PCLO: variants seen among roughly 807,000 people sequenced by gnomAD.
PCLO encodes the protein piccolo presynaptic cytomatrix protein, also known as protein piccolo.
Under a neutral mutation model 427.5 loss-of-function variants are expected in PCLO, and 82 were observed. The observed-to-expected ratio is 0.19, with a 90% CI of 0.16 to 0.23. The LOEUF is 0.23. Among genes scored for constraint, PCLO ranks in the 10% least tolerant of loss-of-function variants. The probability of loss-of-function intolerance (pLI) is 1.00; values close to 1 mark genes in which losing one functional copy is unlikely to be tolerated. For missense variants in PCLO, 6,239 were observed against 6,115.9 expected (o/e 1.02, Z -0.67); for synonymous variants, 2,357 against 2,155.4 (o/e 1.09, Z -2.59).
intron 22 of PCLO, among the ~76,000 whole-genome samples, chr7:82,800,881 A>C (rs1165521303): frequency 6.6e-6 from 1 of 151,930 alleles, no homozygotes. Flanking sequence ...CACCGTGCCC[A>C]GCCAGGGATA....
chr7:82,768,293 T>C (rs62466886), intron 22 of PCLO, among the ~76,000 whole-genome samples: 9,628 of 151,818 alleles, frequency 0.063, 708 homozygotes, highest in African/African-American at 0.18. Context: ...CCTGGTGGCG[T>C]GAGCCTGTAA....
chr7:83,023,290 A>C (rs754981416), intron 3 of PCLO, among the ~76,000 whole-genome samples: 1 of 152,224 alleles, frequency 6.6e-6, no homozygotes, highest in Non-Finnish European at 1.5e-5. Flanking sequence ...GACTATTCTT[A>C]AAAGTCAAAC....
chr7:82,808,172 A>C (rs2129468881), intron 20 of PCLO, among the ~76,000 whole-genome samples: 1 of 152,042 alleles, frequency 6.6e-6, no homozygotes, highest in Non-Finnish European at 1.5e-5. Context: ...CATTGAATGG[A>C]AGACATTAAT....
At position 82,952,717 on chromosome 7, in the gene PCLO, C is replaced by G. The variant is rs867757008; in HGVS notation, c.8236G>C (p.Asp2746His). Residue 2746 changes from aspartate to histidine, a missense_variant, in exon 5 of 25, where the codon GAT (aspartate) becomes CAT (histidine). Transcript: ENST00000333891. Reference sequence around the variant, plus strand: ...ACATCCATTGTAGAAGCAGAAAGATCAATACATTTATCAGTTGTTTTAACT... The same window carrying G: ...ACATCCATTGTAGAAGCAGAAAGATGAATACATTTATCAGTTGTTTTAACT... ...VEVKTTDKCI[D>H]LSASTMDVKR... is the part of the protein sequence containing the mutation. 1.2e-6 allele frequency: 2 copies of G among 1,613,748 alleles called. No homozygotes were observed. Among genetic ancestry groups the G allele is most frequent in the Non-Finnish European group, 1.7e-6 (2 of 1,179,772 alleles).
Position 82,838,350 on chromosome 7 carries a change from A to G in PCLO, c.14098-8T>C, listed in dbSNP as rs1268036510. 3 of 1,427,240 alleles carry G rather than the reference A, an allele frequency of 2.1e-6. No homozygotes were observed. The highest frequency in any genetic ancestry group is 2.1e-5 in the Admixed American group (1 of 47,820). 88.4% of individuals were successfully genotyped at this position (1,427,240 alleles called of 1,614,324 possible). ...ATCATAGTTAATTTGAAGCTTTAGG[A>G]GAGAGAAAAATATTCCATAAGTTTT... On this transcript the variant is annotated splice_region_variant and splice_polypyrimidine_tract_variant and intron_variant, in intron 14 of 24. Coordinates refer to ENST00000333891, the MANE Select transcript of PCLO (RefSeq NM_033026.6).
intron 3 of PCLO, among the ~76,000 whole-genome samples, chr7:83,090,005 A>C (rs2116434019): frequency 6.6e-6 from 1 of 152,260 alleles, no homozygotes; most frequent in Non-Finnish European, 1.5e-5. Flanking sequence ...ATCTCTTACT[A>C]ATGAAGCCGT....
intron 10 of PCLO, among the ~76,000 whole-genome samples, chr7:82,851,265 T>C (rs143750131): frequency 1.9e-3 from 294 of 151,398 alleles, no homozygotes; most frequent in Non-Finnish European, 3.5e-3. Flanking sequence ...ATTGAGAGCA[T>C]TGAGAGTGCT....
intron 3 of PCLO, among the ~76,000 whole-genome samples, chr7:83,030,002 C>G (rs1322840354): frequency 6.9e-6 from 1 of 145,626 alleles, no homozygotes; most frequent in East Asian, 2.1e-4. Context: ...GGGAGATATA[C>G]CTAATGCTAG....
chr7:83,027,519 C>T (rs986182412), intron 3 of PCLO, among the ~76,000 whole-genome samples: 14 of 151,894 alleles, frequency 9.2e-5, no homozygotes, highest in Non-Finnish European at 8.8e-5. Flanking sequence ...CCAAATTCTA[C>T]CAGAGGTACA....
intron 3 of PCLO, among the ~76,000 whole-genome samples, chr7:83,051,233 A>T (rs1194462721): frequency 6.6e-6 from 1 of 152,104 alleles, no homozygotes; most frequent in Non-Finnish European, 1.5e-5. Context: ...AAAAAGAGAA[A>T]AAGATATATA....
chr7:82,836,789 T>G (rs1026756876), intron 15 of PCLO, among the ~76,000 whole-genome samples: 1 of 152,162 alleles, frequency 6.6e-6, no homozygotes, highest in Non-Finnish European at 1.5e-5. Flanking sequence ...GTGATCTGCC[T>G]GTGGTGATAT....
intron 3 of PCLO, among the ~76,000 whole-genome samples, chr7:83,017,004 T>C (rs1177350373): frequency 2.0e-5 from 3 of 152,074 alleles, no homozygotes; most frequent in African/African-American, 7.2e-5. Context: ...CTCTTTTTTC[T>C]TTGTGAATAA....
chr7:83,037,800 A>G (rs1788831607), intron 3 of PCLO, among the ~76,000 whole-genome samples: 2 of 149,846 alleles, frequency 1.3e-5, no homozygotes, highest in South Asian at 4.2e-4. Context: ...AAATTCTCCA[A>G]CTTATAATTC....
At chr7:83,066,833 C>T (rs1396151088) in intron 3 of PCLO, among the ~76,000 whole-genome samples, 1 of 152,106 alleles carries the variant, frequency 6.6e-6, no homozygotes, top group Non-Finnish European at 1.5e-5. Context: ...GAGCGCTGTT[C>T]TTCACATATG....
At position 82,953,960 on chromosome 7, in the gene PCLO, T is replaced by C. The variant is rs1291861882; in HGVS notation, c.6993A>G (p.Thr2331=). 2.5e-6 allele frequency: 4 copies of C among 1,613,828 alleles called. No individual in the cohort carries two copies. In the African/African-American group the frequency reaches 5.3e-5, roughly 22 times the overall value. ...RDKKELEAER[T]KSSLSETVFD... The stretch of plus-strand genomic sequence containing the variant: ...ACACGGTTTCGGATAAGCTACTTTT[T>C]GTTCGTTCGGCCTCCAACTCCTTTT... Residue 2331 remains threonine (T), a synonymous_variant, in exon 5 of 25, where the codon ACA becomes ACG. Coordinates refer to ENST00000333891, the MANE Select transcript of PCLO (RefSeq NM_033026.6).
intron 10 of PCLO, among the ~76,000 whole-genome samples, chr7:82,865,215 T>C (rs1260824696): frequency 1.3e-5 from 2 of 151,876 alleles, no homozygotes; most frequent in South Asian, 2.1e-4. Flanking sequence ...ATGCCGGGCA[T>C]GGCGGCTTAC....
chr7:83,076,024 TA>T (rs35480784), intron 3 of PCLO, among the ~76,000 whole-genome samples: 1,543 of 152,054 alleles, frequency 0.01, 17 homozygotes, highest in South Asian at 0.027. Flanking sequence ...GAGAATGAAT[TA>T]AAAATTGATG....
intron 3 of PCLO, among the ~76,000 whole-genome samples, chr7:82,994,225 G>A (rs996424328): frequency 6.6e-6 from 1 of 151,882 alleles, no homozygotes; most frequent in Non-Finnish European, 1.5e-5. Flanking sequence ...TAATGTGCTA[G>A]GCAATACAAC....
At chr7:83,125,908 A>T (rs1791427039) in intron 3 of PCLO, among the ~76,000 whole-genome samples, 1 of 151,650 alleles carries the variant, frequency 6.6e-6, no homozygotes, top group Non-Finnish European at 1.5e-5. Context: ...AAAAAAAAAT[A>T]AAAGACATAT....
Sources: allele counts gnomAD v4.1 joint callset (sites outside exome capture counted in the v4.1 genomes callset), GRCh38; gene constraint gnomAD v4.1.1; transcripts MANE v1.5; gene names NCBI Gene and HGNC (gene_info 2026-07-23, HGNC 2026-07-21).